BCL11A: variants seen among roughly 807,000 people sequenced by gnomAD.
The protein encoded by BCL11A is BCL11 transcription factor A, also known as B cell CLL/lymphoma 11A.
A neutral mutation model predicts 55.9 loss-of-function variants in BCL11A; 2 were observed. That is an observed-to-expected ratio of 0.04 (90% CI 0.01 to 0.11). The LOEUF is 0.11. BCL11A is among the 10% of genes least tolerant of loss of function. The pLI, the probability that BCL11A is intolerant of heterozygous loss-of-function variation, is 1.00. For missense variants in BCL11A, 817 were observed against 1,137.1 expected (o/e 0.72, Z 4.05); for synonymous variants, 465 against 473.4 (o/e 0.98, Z 0.23).
chr2:60,550,566 G>A (rs1670365995), intron 1 of BCL11A, among the ~76,000 whole-genome samples: 2 of 151,838 alleles, frequency 1.3e-5, no homozygotes, highest in African/African-American at 4.8e-5. Context: ...GGCGGGGGGC[G>A]GGGGGGTGGT....
At chr2:60,502,866 C>T (rs1679369417) in intron 2 of BCL11A, among the ~76,000 whole-genome samples, 1 of 152,128 alleles carries the variant, frequency 6.6e-6, no homozygotes, top group African/African-American at 2.4e-5. Flanking sequence ...AATCAAGTCT[C>T]GAGTGGGTAA....
chr2:60,526,052 G>T (rs1225057200), intron 2 of BCL11A: 1 of 152,150 alleles, frequency 6.6e-6, no homozygotes, highest in Admixed American at 6.5e-5. Flanking sequence ...TGGGAAAAAA[G>T]AATGTGGTTT....
chr2:60,522,024 C>G (rs1220939729), intron 2 of BCL11A: 1 of 152,286 alleles, frequency 6.6e-6, no homozygotes, highest in African/African-American at 2.4e-5. Flanking sequence ...CACTTGTCCC[C>G]TTGCTACCTC....
intron 1 of BCL11A, among the ~76,000 whole-genome samples, chr2:60,550,349 A>C (rs1321146319): frequency 6.6e-6 from 1 of 152,120 alleles, no homozygotes; most frequent in African/African-American, 2.4e-5. Flanking sequence ...AAGAACAAAG[A>C]CATACGGGGT....
At chr2:60,512,310 G>A (rs1224500344) in intron 2 of BCL11A, among the ~76,000 whole-genome samples, 1 of 152,204 alleles carries the variant, frequency 6.6e-6, no homozygotes, top group Admixed American at 6.5e-5. Context: ...ATTTGGGCTT[G>A]TGGCTGAGCT....
chr2:60,466,639 G>A (rs544871660), intron 3 of BCL11A, among the ~76,000 whole-genome samples: 1 of 152,104 alleles, frequency 6.6e-6, no homozygotes, highest in Non-Finnish European at 1.5e-5. Flanking sequence ...CTGGTCTCAG[G>A]GTGCATGCCC....
chr2:60,546,229 G>C lies in BCL11A; in HGVS notation c.127C>G (p.His43Asp). ...HGPLGAPEGDHDLLTCGQCQM... is the reference protein window; with the variant it reads ...HGPLGAPEGDDDLLTCGQCQM... ...CACTGCCCACAGGTGAGGAGGTCAT[G>C]ATCCCCTTCTGGAGCTCCCAACGGG... The change falls in exon 2 of 4, where the codon CAT (histidine) becomes GAT (aspartate). Residue 43 changes from histidine to aspartate, a missense_variant. Coordinates refer to ENST00000642384, the MANE Select transcript of BCL11A (RefSeq NM_022893.4). This position sits in a 1 kb window ranked among gnomAD's most constrained non-coding sequence, Gnocchi z 4.1. The C allele has an allele frequency of 6.2e-7, 1 of 1,614,220 alleles. No homozygotes were observed. The highest frequency in any genetic ancestry group is 8.5e-7 in the Non-Finnish European group (1 of 1,180,036).
intron 2 of BCL11A, among the ~76,000 whole-genome samples, chr2:60,481,473 A>T (rs781509404): frequency 2.6e-5 from 4 of 152,086 alleles, no homozygotes; most frequent in Non-Finnish European, 5.9e-5. Flanking sequence ...ACATGCTCTC[A>T]GGAGTCAGAG....
At chr2:60,479,589 A>G (rs1446446791) in intron 2 of BCL11A, among the ~76,000 whole-genome samples, 1 of 152,222 alleles carries the variant, frequency 6.6e-6, no homozygotes, top group African/African-American at 2.4e-5. Context: ...CTCAGCTGCC[A>G]TCGCACTCAA....
At chr2:60,469,051 AAAGG>A (rs1677050130) in intron 2 of BCL11A, among the ~76,000 whole-genome samples, 1 of 152,198 alleles carries the variant, frequency 6.6e-6, no homozygotes, top group Non-Finnish European at 1.5e-5. Context: ...GACAAAAGTG[AAAGG>A]GTTTGTTTTA....
intron 3 of BCL11A, among the ~76,000 whole-genome samples, chr2:60,463,922 GAA>G (rs5831583): frequency 1.8e-3 from 269 of 145,558 alleles, no homozygotes; most frequent in African/African-American, 4.5e-3. Context: ...TTCTAAGAAG[GAA>G]AAAAAAAAAA....
rs1186301378 is a variant in BCL11A at position 60,458,972 on chromosome 2, T to C, written c.*1432A>G. On this transcript the variant is annotated 3_prime_UTR_variant, in exon 4 of 4. Transcript: ENST00000642384. ...ACAACTTTTAGGGAGCACAGACATA[T>C]ATACTGCTACTCTTAAAATTCTTTC... The C allele has an allele frequency of 1.8e-5, 19 of 1,033,114 alleles. No homozygotes were observed. The highest frequency in any genetic ancestry group is 2.1e-5 in the Non-Finnish European group (18 of 858,084). The allele number at this position is 1,033,114 out of a possible 1,614,324, so 64.0% of individuals were successfully genotyped here. A position where few individuals can be genotyped will look rare whatever the true frequency, so the allele number is the denominator to read the frequency against.
chr2:60,452,626 A>G, downstream of BCL11A: 2 of 1,613,936 alleles, frequency 1.2e-6, no homozygotes, highest in South Asian at 2.2e-5. Context: ...ACACATCTTG[A>G]GCTCTCTGGG....
chr2:60,468,810 G>C lies in BCL11A; in HGVS notation c.409C>G (p.Leu137Val). Residue 137 changes from leucine (L) to valine (V), a missense_variant, in exon 3 of 4, where the codon CTC (leucine) becomes GTC (valine). By Grantham distance (32) the Leu-to-Val change is conservative (BLOSUM62 1). This residue lies in a region of BCL11A where 363 missense variants were observed against 486.6 expected (regional missense o/e 0.75). Coordinates refer to ENST00000642384, the MANE Select transcript of BCL11A (RefSeq NM_022893.4). ...CCATGTGCAGAACGAGGGGAGGAGA[G>C]GCCCCTCCAGTGCAGAAGTTTATCT... ...IADKLLHWRGLSSPRSAHGAL... is the reference protein window; with the variant it reads ...IADKLLHWRGVSSPRSAHGAL... The C allele has an allele frequency of 6.2e-7, 1 of 1,607,204 alleles. No homozygotes were observed. Among genetic ancestry groups the C allele is most frequent in the Non-Finnish European group, 8.5e-7 (1 of 1,178,050 alleles).
intron 2 of BCL11A, chr2:60,542,173 G>A (rs535636261): frequency 1.6e-4 from 51 of 320,432 alleles, no homozygotes; most frequent in African/African-American, 1.0e-3. Flanking sequence ...GAGAAAAAAT[G>A]TTATATATCA....
In BCL11A at chr2:60,546,796, C is replaced by A. The variant is rs1670178992; in HGVS notation, c.56-496G>T. ...AGGAGAGGTGAATAAACACACACAC[C>A]CTTTGTGTGTGAATGTATATACTCC... On this transcript the variant is annotated intron_variant, in intron 1 of 3. Coordinates refer to ENST00000642384, the MANE Select transcript of BCL11A (RefSeq NM_022893.4). The surrounding 1 kb of genome is among the most constrained non-coding windows in gnomAD (Gnocchi z 4.1). Among the ~76,000 whole-genome samples the A allele has an allele frequency of 6.6e-6, 1 of 152,120 alleles. No individual in the cohort carries two copies. The highest frequency in any genetic ancestry group is 1.5e-5 in the Non-Finnish European group (1 of 68,024).
At chr2:60,466,371 G>A (rs753553927) in intron 3 of BCL11A, among the ~76,000 whole-genome samples, 1 of 151,944 alleles carries the variant, frequency 6.6e-6, no homozygotes, top group African/African-American at 2.4e-5. Context: ...GGCCCCAGAT[G>A]CCCCCAGCAA....
chr2:60,467,956 G>T lies in BCL11A; in HGVS notation c.487+776C>A, dbSNP rs370733015. ...TGATGGTGGTGGTGGTGATGGTACTGGTGGTGATGGTGGTGGTGGTAGTGA... is the reference window on the plus strand; with the variant it reads ...TGATGGTGGTGGTGGTGATGGTACTTGTGGTGATGGTGGTGGTGGTAGTGA... On this transcript the variant is annotated intron_variant, in intron 3 of 3. Transcript: ENST00000642384. Among the ~76,000 whole-genome samples, 8 of 45,712 alleles carry T rather than the reference G, an allele frequency of 1.8e-4. 1 individual carries two copies. Among genetic ancestry groups the T allele is most frequent in the Admixed American group, 3.4e-4 (2 of 5,862 alleles). The allele number at this position is 45,712 out of a possible 152,430, so 30.0% of individuals were successfully genotyped here. A position where few individuals can be genotyped will look rare whatever the true frequency, so the allele number is the denominator to read the frequency against.
chr2:60,541,937 T>G, intron 2 of BCL11A: 1 of 701,990 alleles, frequency 1.4e-6, no homozygotes, highest in Non-Finnish European at 2.6e-6. Context: ...TAGGAGAGAA[T>G]CAGAATGGAT....
Sources: allele counts gnomAD v4.1 joint callset (sites outside exome capture counted in the v4.1 genomes callset), GRCh38; gene constraint gnomAD v4.1.1; regional missense constraint gnomAD v4.1.1; non-coding constraint Gnocchi (gnomAD v3.1); transcripts MANE v1.5; gene names NCBI Gene and HGNC (gene_info 2026-07-23, HGNC 2026-07-21).